RBFOX1: variants seen among roughly 807,000 people sequenced by gnomAD.
RBFOX1 encodes the protein RNA binding protein fox-1 homolog 1.
A neutral mutation model predicts 57.7 loss-of-function variants in RBFOX1; 8 were observed. The ratio of observed to expected loss-of-function variants is 0.14; its 90% CI spans 0.08 to 0.25. The LOEUF (loss-of-function observed/expected upper bound fraction) is 0.25. RBFOX1 is among the 10% of genes least tolerant of loss of function. The pLI, the probability that RBFOX1 is intolerant of heterozygous loss-of-function variation, is 1.00. For synonymous variants in RBFOX1, 326 were observed against 222.4 expected, an observed-to-expected ratio of 1.47 and a Z score of -4.15; for missense variants, 611 against 548.5, an observed-to-expected ratio of 1.11 and a Z score of -1.14.
intron 1 of RBFOX1, among the ~76,000 whole-genome samples, chr16:6,241,412 A>G (rs1420954942): frequency 6.6e-6 from 1 of 152,196 alleles, no homozygotes; most frequent in East Asian, 1.9e-4. Context: ...TACTTAATAA[A>G]TTGTCAAAAA....
intron 1 of RBFOX1, among the ~76,000 whole-genome samples, chr16:5,382,279 G>A (rs1036462087): frequency 2.0e-5 from 3 of 152,060 alleles, no homozygotes; most frequent in African/African-American, 4.8e-5. Context: ...TGCTCAAATA[G>A]TTCCAATTCA....
intron 4 of RBFOX1, among the ~76,000 whole-genome samples, chr16:7,388,619 C>G (rs1016653349): frequency 1.3e-5 from 2 of 150,282 alleles, no homozygotes; most frequent in African/African-American, 4.9e-5. Flanking sequence ...CCAGGCAGTC[C>G]CCAACTTAAA....
intron 3 of RBFOX1, among the ~76,000 whole-genome samples, chr16:6,821,242 G>T (rs2091245461): frequency 6.6e-6 from 1 of 152,080 alleles, no homozygotes; most frequent in Non-Finnish European, 1.5e-5. Context: ...TTTTAAATAT[G>T]GTGTCTCTTT....
At chr16:6,335,178 G>T (rs1219046342) in intron 2 of RBFOX1, among the ~76,000 whole-genome samples, 1 of 152,174 alleles carries the variant, frequency 6.6e-6, no homozygotes, top group Non-Finnish European at 1.5e-5. Context: ...ACTCACACTG[G>T]AATGTGTGTT....
chr16:7,431,103 C>G (rs921834350), intron 4 of RBFOX1: 2 of 152,186 alleles, frequency 1.3e-5, no homozygotes, highest in Admixed American at 6.5e-5. Context: ...CAACCTCAAA[C>G]CCAAACTGAC....
At chr16:6,026,696 C>T (rs868002931) in intron 1 of RBFOX1, among the ~76,000 whole-genome samples, 4 of 152,226 alleles carry the variant, frequency 2.6e-5, no homozygotes, top group Admixed American at 6.5e-5. Flanking sequence ...GTAAGAGCCT[C>T]GCTAGATTTC....
intron 4 of RBFOX1, among the ~76,000 whole-genome samples, chr16:5,875,922 C>T (rs2057597574): frequency 6.6e-6 from 1 of 151,396 alleles, no homozygotes; most frequent in African/African-American, 2.4e-5. Context: ...GGGCTCACTG[C>T]AAGCCCCGCC....
intron 4 of RBFOX1, among the ~76,000 whole-genome samples, chr16:7,482,086 G>C (rs1370860400): frequency 1.3e-5 from 2 of 152,290 alleles, no homozygotes; most frequent in African/African-American, 2.4e-5. Flanking sequence ...CACCTAGCAA[G>C]GGCTAGTGAT....
intron 1 of RBFOX1, among the ~76,000 whole-genome samples, chr16:5,293,563 T>A (rs1596422224): frequency 6.6e-6 from 1 of 152,202 alleles, no homozygotes; most frequent in African/African-American, 2.4e-5. Context: ...CCACATGTAG[T>A]AGGCACCAAT....
chr16:5,255,110 C>T (rs1015880910), intron 1 of RBFOX1, among the ~76,000 whole-genome samples: 1 of 152,118 alleles, frequency 6.6e-6, no homozygotes, highest in African/African-American at 2.4e-5. Flanking sequence ...TTGTCAATGC[C>T]AGTTTTGACT....
intron 3 of RBFOX1, among the ~76,000 whole-genome samples, chr16:6,867,697 ACT>A (rs1346198724): frequency 5.9e-5 from 9 of 152,070 alleles, no homozygotes; most frequent in African/African-American, 1.9e-4. Flanking sequence ...AGAGCACAAG[ACT>A]CTGTCTCAGA....
At chr16:6,780,880 T>C (rs554634157) in intron 3 of RBFOX1, among the ~76,000 whole-genome samples, 1 of 152,046 alleles carries the variant, frequency 6.6e-6, no homozygotes, top group Non-Finnish European at 1.5e-5. Flanking sequence ...GCTCCTCACA[T>C]GTTCTGGCAG....
chr16:6,193,742 T>A (rs899082631), intron 1 of RBFOX1, among the ~76,000 whole-genome samples: 2 of 152,110 alleles, frequency 1.3e-5, no homozygotes, highest in Non-Finnish European at 2.9e-5. Flanking sequence ...CCCATTTCTT[T>A]GGGTATTTTG....
chr16:6,697,986 T>C (rs986881133), intron 3 of RBFOX1, among the ~76,000 whole-genome samples: 3 of 152,230 alleles, frequency 2.0e-5, no homozygotes, highest in Non-Finnish European at 4.4e-5. Flanking sequence ...TATGTACTTA[T>C]GTCTTAACTG....
At chr16:5,487,854 T>C (rs1369575168) in intron 2 of RBFOX1, among the ~76,000 whole-genome samples, 1 of 152,094 alleles carries the variant, frequency 6.6e-6, no homozygotes, top group Non-Finnish European at 1.5e-5. Context: ...GTGGGCATGA[T>C]GATGATGATG....
At chr16:5,624,396 A>C (rs2048287477) in intron 3 of RBFOX1, among the ~76,000 whole-genome samples, 1 of 152,134 alleles carries the variant, frequency 6.6e-6, no homozygotes, top group South Asian at 2.1e-4. Context: ...ACAGGGTTTC[A>C]CCGTGTTAGC....
chr16:7,562,259 T>A (rs149378766), intron 5 of RBFOX1, among the ~76,000 whole-genome samples: 229 of 152,280 alleles, frequency 1.5e-3, no homozygotes, highest in African/African-American at 5.3e-3. Flanking sequence ...GGAGCCTTGC[T>A]GGTGTCGTCC....
chr16:7,264,323 G>T (rs1030668750), intron 4 of RBFOX1, among the ~76,000 whole-genome samples: 2 of 152,198 alleles, frequency 1.3e-5, no homozygotes, highest in African/African-American at 4.8e-5. Context: ...CAAATGAGCA[G>T]AATTCATAGT....
chr16:5,583,536 G>C (rs898986717), intron 2 of RBFOX1, among the ~76,000 whole-genome samples: 8 of 152,174 alleles, frequency 5.3e-5, no homozygotes, highest in Non-Finnish European at 1.0e-4. Flanking sequence ...CAATCCTGGA[G>C]TGTCTCTGAA....
Sources: allele counts gnomAD v4.1 joint callset (sites outside exome capture counted in the v4.1 genomes callset), GRCh38; gene constraint gnomAD v4.1.1; transcripts MANE v1.5; gene names NCBI Gene and HGNC (gene_info 2026-07-23, HGNC 2026-07-21).